The following CYB5D1 variants were observed in gnomAD, a reference collection of about 807,000 sequenced individuals.
CYB5D1 encodes the protein cytochrome b5 domain containing 1, also known as cytochrome b5 domain-containing protein 1.
A neutral mutation model predicts 24.3 loss-of-function variants in CYB5D1; 30 were observed. The ratio of observed to expected loss-of-function variants is 1.23; its 90% confidence interval spans 0.92 to 1.67. CYB5D1 has a LOEUF of 1.67. Ranked by LOEUF, CYB5D1 falls within the 40% of genes most tolerant of loss-of-function variation. The pLI is 0.00. For missense variants in CYB5D1, 265 were observed against 296.7 expected (o/e 0.89, Z 0.79); for synonymous variants, 128 against 123.2 (o/e 1.04, Z -0.26).
intron 3 of CYB5D1, 126 bp downstream of exon 3, chr17:7,858,950 G>A (rs2078860340): frequency 1.1e-6 from 1 of 889,472 alleles, no homozygotes; most frequent in Non-Finnish European, 1.6e-6. Context: ...TTACATTGAG[G>A]CAACTGAGGA....
Position 7,858,593 on chromosome 17 carries a change from C to T in CYB5D1, c.238-13C>T, listed in dbSNP as rs1250089275. ...GCTGCTCTGACACCCTCGCCCCAAA[C>T]CCTCCTTTAAAGATCCGCAAGCACA... is the stretch of plus-strand genomic sequence containing the variant. On this transcript the variant is annotated splice_polypyrimidine_tract_variant and intron_variant, in intron 2 of 3. Transcript: ENST00000332439. The T allele has an allele frequency of 1.9e-6, 3 of 1,607,206 alleles. No individual in the cohort carries two copies. Among genetic ancestry groups the T allele is most frequent in the Non-Finnish European group, 1.7e-6 (2 of 1,175,048 alleles).
Position 7,861,756 on chromosome 17 carries a change from T to A in CYB5D1, c.*2144T>A, listed in dbSNP as rs2078884759. 1 of 152,240 alleles carries A rather than the reference T, an allele frequency of 6.6e-6. No individual in the cohort carries two copies. The highest frequency in any genetic ancestry group is 2.4e-5 in the African/African-American group (1 of 41,460). 9.4% of individuals were successfully genotyped at this position (152,240 alleles called of 1,614,324 possible). On this transcript the variant is annotated 3_prime_UTR_variant, in exon 4 of 4. Coordinates refer to ENST00000332439, the MANE Select transcript of CYB5D1 (RefSeq NM_144607.6). ...GAAACTTCCTAACCTGTTCTCCCATTTCCACTTCTGACTTCCATGCTGCAA... is the reference window on the plus strand; with the variant it reads ...GAAACTTCCTAACCTGTTCTCCCATATCCACTTCTGACTTCCATGCTGCAA...
rs1243802026 is a variant in CYB5D1 at position 7,858,039 on chromosome 17, C to T, written c.-96C>T. 2.6e-6 allele frequency: 4 copies of T among 1,553,482 alleles called. No homozygotes were observed. The highest frequency in any genetic ancestry group is 3.5e-6 in the Non-Finnish European group (4 of 1,153,472). On this transcript the variant is annotated 5_prime_UTR_variant, in exon 1 of 4. Transcript: ENST00000332439. Reference sequence around the variant, plus strand: ...TGTCAGCGGATAAACGCTCTCCCCTCGGCTCCCGGACGCGACGGAGGTCGT... The same window carrying T: ...TGTCAGCGGATAAACGCTCTCCCCTTGGCTCCCGGACGCGACGGAGGTCGT...
Position 7,859,691 on chromosome 17 carries a change from G to A in CYB5D1, c.*79G>A, listed in dbSNP as rs2078868835. ...TCTGTGCCTTGAGGAAAAGTGGTGG[G>A]GCCGAGGGGTGCCTGGACCCAGATC... On this transcript the variant is annotated 3_prime_UTR_variant, in exon 4 of 4. Coordinates refer to ENST00000332439, the MANE Select transcript of CYB5D1 (RefSeq NM_144607.6). 1 of 1,360,342 alleles carries A rather than the reference G, an allele frequency of 7.4e-7. No individual in the cohort carries two copies. The highest frequency in any genetic ancestry group is 1.0e-6 in the Non-Finnish European group (1 of 962,524). The allele number at this position is 1,360,342 out of a possible 1,614,324, so 84.3% of individuals were successfully genotyped here. A position where few individuals can be genotyped will look rare whatever the true frequency, so the allele number is the denominator to read the frequency against.
Position 7,861,913 on chromosome 17 carries a change from C to T in CYB5D1, c.*2301C>T, listed in dbSNP as rs2078885904. Reference sequence around the variant, plus strand: ...AAATCAGGCTCATCTCGCAACACCCCTCTTTGTTCTCTATGGCCTAGACAC... The same window carrying T: ...AAATCAGGCTCATCTCGCAACACCCTTCTTTGTTCTCTATGGCCTAGACAC... On this transcript the variant is annotated 3_prime_UTR_variant, in exon 4 of 4. Transcript: ENST00000332439. 1 of 152,246 alleles carries T rather than the reference C, an allele frequency of 6.6e-6. No individual in the cohort carries two copies. The highest frequency in any genetic ancestry group is 6.5e-5 in the Admixed American group (1 of 15,286). 9.4% of individuals were successfully genotyped at this position (152,246 alleles called of 1,614,324 possible). A position where few individuals can be genotyped will look rare whatever the true frequency, so the allele number is the denominator to read the frequency against.
Position 7,859,478 on chromosome 17 carries a change from C to A in CYB5D1, c.553C>A (p.Leu185Met). ...CACGTGGAAATATGAAGGGAAGAAC[C>A]TGAACATGGATTTTACCCTGGAAGA... ...SYTWKYEGKN[L>M]NMDFTLEENG... Residue 185 changes from leucine (L) to methionine (M), a missense_variant, in exon 4 of 4, where the codon CTG becomes ATG. Physicochemically the swap from Leu to Met is conservative, Grantham distance 15. Transcript: ENST00000332439. 2.5e-6 allele frequency: 4 copies of A among 1,614,108 alleles called. No homozygotes were observed. The highest frequency in any genetic ancestry group is 3.4e-6 in the Non-Finnish European group (4 of 1,180,032).
intron 3 of CYB5D1, 69 bp downstream of exon 3, chr17:7,858,893 C>T: frequency 1.5e-6 from 2 of 1,377,010 alleles, no homozygotes; most frequent in South Asian, 3.0e-5. Context: ...GGCCGATCTT[C>T]AGGGCAACAT....
At position 7,859,897 on chromosome 17, in the gene CYB5D1, T is replaced by C. The variant is rs556822568; in HGVS notation, c.*285T>C. 1.0e-4 allele frequency: 44 copies of C among 426,332 alleles called. No homozygotes were observed. The highest frequency in any genetic ancestry group is 1.5e-4 in the Non-Finnish European group (35 of 232,634). 26.4% of individuals were successfully genotyped at this position (426,332 alleles called of 1,614,324 possible). A position where few individuals can be genotyped will look rare whatever the true frequency, so the allele number is the denominator to read the frequency against. ...ATAGTCAGAGTTCAGGCAGAACTGT[T>C]TGATAGTTAAGAGAGAGTAGTTCTA... On this transcript the variant is annotated 3_prime_UTR_variant, in exon 4 of 4. Transcript: ENST00000332439.
Position 7,859,693 on chromosome 17 carries a change from C to A in CYB5D1, c.*81C>A. The A allele has an allele frequency of 3.1e-6, 4 of 1,307,710 alleles. No individual in the cohort carries two copies. The African/African-American group carries it at 4.3e-5, about 14-fold the overall frequency. 81.0% of individuals were successfully genotyped at this position (1,307,710 alleles called of 1,614,324 possible). A position where few individuals can be genotyped will look rare whatever the true frequency, so the allele number is the denominator to read the frequency against. ...TGTGCCTTGAGGAAAAGTGGTGGGG[C>A]CGAGGGGTGCCTGGACCCAGATCTC... On this transcript the variant is annotated 3_prime_UTR_variant, in exon 4 of 4. Transcript: ENST00000332439.
chr17:7,858,195 A>T lies in CYB5D1; in HGVS notation c.61A>T (p.Thr21Ser). ...GGAGTATTTTCAGCGTCGCTATTTC[A>T]CGCCGGCGGAGGTGGCCCAACATAA... ...DLEYFQRRYFTPAEVAQHNRP... is the reference protein window; with the variant it reads ...DLEYFQRRYFSPAEVAQHNRP... The change falls in exon 1 of 4, where the codon ACG (threonine) becomes TCG (serine). Residue 21 changes from threonine to serine, a missense_variant. Physicochemically the swap from Thr to Ser is moderately conservative, Grantham distance 58. Transcript: ENST00000332439. 1 of 1,613,866 alleles carries T rather than the reference A, an allele frequency of 6.2e-7. No individual in the cohort carries two copies. The highest frequency in any genetic ancestry group is 8.5e-7 in the Non-Finnish European group (1 of 1,180,004).
At position 7,860,495 on chromosome 17, in the gene CYB5D1, T is replaced by C. The variant is rs989316309; in HGVS notation, c.*883T>C. ...TCCTTCGAAACTTTGGAAAGTTTAA[T>C]AGCTCAAAGCCACACTAGGTAGTAA... On this transcript the variant is annotated 3_prime_UTR_variant, in exon 4 of 4. Transcript: ENST00000332439. The C allele has an allele frequency of 6.6e-6, 1 of 152,162 alleles. No homozygotes were observed. The highest frequency in any genetic ancestry group is 2.4e-5 in the African/African-American group (1 of 41,422). 9.4% of individuals were successfully genotyped at this position (152,162 alleles called of 1,614,324 possible).
Position 7,858,436 on chromosome 17 carries a change from C to T in CYB5D1, c.194C>T (p.Ala65Val). The T allele has an allele frequency of 6.2e-7, 1 of 1,614,176 alleles. No homozygotes were observed. The highest frequency in any genetic ancestry group is 8.5e-7 in the Non-Finnish European group (1 of 1,180,036). ...NLLLKPIVEVAGQDISHWFDP... is the reference protein window; with the variant it reads ...NLLLKPIVEVVGQDISHWFDP... Reference sequence around the variant, plus strand: ...CTGCTGAAACCCATCGTGGAAGTTGCAGGCCAGGATATCAGCCACTGGTTT... The same window carrying T: ...CTGCTGAAACCCATCGTGGAAGTTGTAGGCCAGGATATCAGCCACTGGTTT... Residue 65 changes from alanine to valine, a missense_variant, in exon 2 of 4, where the codon GCA becomes GTA. Transcript: ENST00000332439.
At position 7,858,013 on chromosome 17, in the gene CYB5D1, A is replaced by G; in HGVS notation, c.-122A>G. On this transcript the variant is annotated 5_prime_UTR_variant, in exon 1 of 4. An upstream start codon of the reference 5' UTR is lost. Coordinates refer to ENST00000332439, the MANE Select transcript of CYB5D1 (RefSeq NM_144607.6). ...TGGCCGGAAAAGGACAATGGTTTCC[A>G]TGTCAGCGGATAAACGCTCTCCCCT... is the stretch of plus-strand genomic sequence containing the variant. 1 of 1,525,078 alleles carries G rather than the reference A, an allele frequency of 6.6e-7. No homozygotes were observed. Among genetic ancestry groups the G allele is most frequent in the Non-Finnish European group, 8.8e-7 (1 of 1,142,840 alleles). The allele number at this position is 1,525,078 out of a possible 1,614,324, so 94.5% of individuals were successfully genotyped here.
In CYB5D1 at chr17:7,860,635, TC is replaced by T. The variant is rs1188163710; in HGVS notation, c.*1024del. ...ATGTTAACATTTGTAGCCACTGCTC[TC>T]AGCAAGTATTTGGGATGTGGCTTTG... On this transcript the variant is annotated 3_prime_UTR_variant, in exon 4 of 4. Transcript: ENST00000332439. 6.6e-6 allele frequency: 1 copy of T among 152,196 alleles called. No homozygotes were observed. Among genetic ancestry groups the T allele is most frequent in the Non-Finnish European group, 1.5e-5 (1 of 68,038 alleles). 9.4% of individuals were successfully genotyped at this position (152,196 alleles called of 1,614,324 possible).
At chr17:7,858,876 A>C (rs2078859219) in intron 3 of CYB5D1, 52 bp downstream of exon 3, 1 of 1,456,862 alleles carries the variant, frequency 6.9e-7, no homozygotes. Flanking sequence ...ATCCCAGCAA[A>C]TCTCCAGGCC....
At position 7,858,076 on chromosome 17, in the gene CYB5D1, G is replaced by C; in HGVS notation, c.-59G>C. 6.2e-7 allele frequency: 1 copy of C among 1,603,162 alleles called. No homozygotes were observed. The highest frequency in any genetic ancestry group is 8.5e-7 in the Non-Finnish European group (1 of 1,176,698). ...GCGACGGAGGTCGTAGTAGTAGTGA[G>C]TACGTGCTGAGGAGCAAAGGAGTAA... On this transcript the variant is annotated 5_prime_UTR_variant, in exon 1 of 4. Coordinates refer to ENST00000332439, the MANE Select transcript of CYB5D1 (RefSeq NM_144607.6).
Position 7,859,590 on chromosome 17 carries a change from A to G in CYB5D1, c.665A>G (p.Asn222Ser), listed in dbSNP as rs181928554. Residue 222 changes from asparagine (N) to serine (S), a missense_variant, in exon 4 of 4, where the codon AAT (asparagine) becomes AGT (serine). By Grantham distance (46) the Asn-to-Ser change is conservative. Coordinates refer to ENST00000332439, the MANE Select transcript of CYB5D1 (RefSeq NM_144607.6). ...ACACCTGCAATACTTCTGTACTTCA[A>G]TGATGATCTCACGGAGTTGTAGGCA... ...LHTPAILLYFNDDLTEL is the reference protein window; with the variant it reads ...LHTPAILLYFSDDLTEL The G allele has an allele frequency of 1.2e-5, 20 of 1,614,112 alleles. No individual in the cohort carries two copies. Among genetic ancestry groups the G allele is most frequent in the Middle Eastern group, 1.6e-4 (1 of 6,062 alleles).
rs190154749 is a variant in CYB5D1, at chr17:7,859,920, C to G, written c.*308C>G. The stretch of plus-strand genomic sequence containing the variant: ...GTTTGATAGTTAAGAGAGAGTAGTT[C>G]TACAGGGGTGAGGGATGGAAGGACT... On this transcript the variant is annotated 3_prime_UTR_variant, in exon 4 of 4. Coordinates refer to ENST00000332439, the MANE Select transcript of CYB5D1 (RefSeq NM_144607.6). 66 of 333,122 alleles carry G rather than the reference C, an allele frequency of 2.0e-4. No individual in the cohort carries two copies. Among genetic ancestry groups the G allele is most frequent in the African/African-American group, 1.3e-3 (63 of 47,432 alleles). The allele number at this position is 333,122 out of a possible 1,614,324, so 20.6% of individuals were successfully genotyped here. A position where few individuals can be genotyped will look rare whatever the true frequency, so the allele number is the denominator to read the frequency against.
Position 7,858,236 on chromosome 17 carries a change from C to G in CYB5D1, c.102C>G (p.Leu34=). 6.2e-7 allele frequency: 1 copy of G among 1,614,054 alleles called. No homozygotes were observed. The highest frequency in any genetic ancestry group is 1.1e-5 in the South Asian group (1 of 91,088). Residue 34 remains leucine (L), a synonymous_variant, in exon 1 of 4, where the codon CTC becomes CTG. Transcript: ENST00000332439. ...CCCAACATAACAGGCCCGAAGACCTCTGGGTATCTTACCTGGGACGCGTGT... is the reference window on the plus strand; with the variant it reads ...CCCAACATAACAGGCCCGAAGACCTGTGGGTATCTTACCTGGGACGCGTGT... The part of the protein sequence containing the change: ...EVAQHNRPED[L]WVSYLGRVYD...
Sources: allele counts gnomAD v4.1 joint callset, GRCh38; gene constraint gnomAD v4.1.1; transcripts MANE v1.5; gene names NCBI Gene and HGNC (gene_info 2026-07-23, HGNC 2026-07-21).